SCGB2B2: variants seen among roughly 807,000 people sequenced by gnomAD.
SCGB2B2 encodes secretoglobin-like protein.
Under a neutral mutation model 7.6 loss-of-function variants are expected in SCGB2B2, and 11 were observed. That is an observed-to-expected ratio of 1.45 (90% CI 0.91 to 2.40). The LOEUF is 2.40. Ranked by LOEUF, SCGB2B2 falls within the 30% of genes most tolerant of loss-of-function variation. SCGB2B2 has a pLI of 0.00. For synonymous variants in SCGB2B2, 50 were observed against 48.6 expected (o/e 1.03, Z -0.12); for missense variants, 104 against 115.4 (o/e 0.90, Z 0.45).
At chr19:34,618,981 G>A (rs1046555007) in intron 1 of SCGB2B2, among the ~76,000 whole-genome samples, 1 of 152,122 alleles carries the variant, frequency 6.6e-6, no homozygotes, top group Non-Finnish European at 1.5e-5. Flanking sequence ...TAAAACACAT[G>A]GCAAACAGGT....
chr19:34,605,328 G>C (rs143809143), intron 1 of SCGB2B2, among the ~76,000 whole-genome samples: 33 of 152,244 alleles, frequency 2.2e-4, no homozygotes, highest in African/African-American at 7.9e-4. Context: ...TGGATGGCTG[G>C]AGTCATAGGC....
At chr19:34,614,041 T>C (rs1458106510) in intron 1 of SCGB2B2, among the ~76,000 whole-genome samples, 1 of 152,216 alleles carries the variant, frequency 6.6e-6, no homozygotes, top group African/African-American at 2.4e-5. Flanking sequence ...TTGCTGTTTT[T>C]AGAATTCTCC....
chr19:34,662,006 A>G (rs2067470649), intron 1 of SCGB2B2, among the ~76,000 whole-genome samples: 1 of 151,838 alleles, frequency 6.6e-6, no homozygotes, highest in African/African-American at 2.4e-5. Flanking sequence ...CAGCCTCCCA[A>G]GTAGCTAGGA....
chr19:34,665,308 T>C (rs1440878811), intron 1 of SCGB2B2, among the ~76,000 whole-genome samples: 1 of 152,164 alleles, frequency 6.6e-6, no homozygotes, highest in Non-Finnish European at 1.5e-5. Context: ...GGTCTAAACC[T>C]TCATGGAACT....
At chr19:34,612,836 C>T (rs568024219) in intron 1 of SCGB2B2, among the ~76,000 whole-genome samples, 2 of 152,234 alleles carry the variant, frequency 1.3e-5, no homozygotes, top group East Asian at 3.9e-4. Flanking sequence ...TCTTTGTGTT[C>T]CAGTGTTGGG....
At chr19:34,634,058 A>G (rs540069788) in intron 1 of SCGB2B2, among the ~76,000 whole-genome samples, 22 of 152,322 alleles carry the variant, frequency 1.4e-4, no homozygotes, top group African/African-American at 5.3e-4. Flanking sequence ...TCAGCAATCC[A>G]GAACACATTC....
At chr19:34,590,558 G>A (rs1474207665), downstream of SCGB2B2, among the ~76,000 whole-genome samples, 1 of 152,214 alleles carries the variant, frequency 6.6e-6, no homozygotes, top group African/African-American at 2.4e-5. Flanking sequence ...TGTTGAAGAG[G>A]ATGTGGATGA....
At position 34,655,023 on chromosome 19, in the gene SCGB2B2, A is replaced by T. The variant is rs112001939; in HGVS notation, c.-2032+20607T>A. Among the ~76,000 whole-genome samples the T allele has an allele frequency of 9.0e-3, 1,368 of 151,444 alleles. 111 individuals carry two copies. The highest frequency in any genetic ancestry group is 0.032 in the African/African-American group (1,314 of 40,706). ...ACAATGAGGGTACATTCTCTGTACCAATCAGTGTCCCTGCAGGAAGGAAAT... is the reference window on the plus strand; with the variant it reads ...ACAATGAGGGTACATTCTCTGTACCTATCAGTGTCCCTGCAGGAAGGAAAT... On this transcript the variant is annotated intron_variant, in intron 1 of 3. Coordinates refer to ENST00000601241, the MANE Select transcript of SCGB2B2 (RefSeq NM_001025591.4).
intron 1 of SCGB2B2, among the ~76,000 whole-genome samples, chr19:34,644,687 A>C (rs2066946834): frequency 6.6e-6 from 1 of 152,164 alleles, no homozygotes; most frequent in Admixed American, 6.5e-5. Flanking sequence ...TTATTTCTTA[A>C]GTGTCAGCCA....
At chr19:34,627,018 C>A (rs188870608) in intron 1 of SCGB2B2, among the ~76,000 whole-genome samples, 3 of 152,088 alleles carry the variant, frequency 2.0e-5, no homozygotes, top group Admixed American at 6.5e-5. Flanking sequence ...AACCTTCATA[C>A]GTGAAGGAGA....
chr19:34,665,465 A>G (rs2146170263), intron 1 of SCGB2B2, among the ~76,000 whole-genome samples: 1 of 152,064 alleles, frequency 6.6e-6, no homozygotes, highest in Non-Finnish European at 1.5e-5. Context: ...ACCATCCCCC[A>G]TGTCCCCAAG....
intron 1 of SCGB2B2, among the ~76,000 whole-genome samples, chr19:34,649,635 G>A (rs1400163661): frequency 6.6e-6 from 1 of 152,088 alleles, no homozygotes; most frequent in Non-Finnish European, 1.5e-5. Flanking sequence ...AATCATTTGA[G>A]GTCAGGAGTT....
intron 1 of SCGB2B2, among the ~76,000 whole-genome samples, chr19:34,601,296 T>C (rs2065617392): frequency 6.6e-6 from 1 of 152,250 alleles, no homozygotes; most frequent in Admixed American, 6.5e-5. Context: ...ACACTAAAGC[T>C]TTAGTTCTTG....
chr19:34,667,554 G>A (rs1454395322), intron 1 of SCGB2B2, among the ~76,000 whole-genome samples: 1 of 152,190 alleles, frequency 6.6e-6, no homozygotes, highest in Non-Finnish European at 1.5e-5. Flanking sequence ...GTAACCAATG[G>A]GAAGCCTCTA....
At chr19:34,615,529 C>G (rs571877351) in intron 1 of SCGB2B2, among the ~76,000 whole-genome samples, 1 of 151,020 alleles carries the variant, frequency 6.6e-6, no homozygotes, top group Non-Finnish European at 1.5e-5. Context: ...TTCCTGTACT[C>G]TCCTTCAAGT....
chr19:34,599,879 G>C (rs1288122865), intron 1 of SCGB2B2, among the ~76,000 whole-genome samples: 1 of 151,848 alleles, frequency 6.6e-6, no homozygotes, highest in Admixed American at 6.6e-5. Flanking sequence ...TTGTGACATA[G>C]AACACAAGTA....
At chr19:34,665,630 A>ACTAC (rs1223041227) in intron 1 of SCGB2B2, among the ~76,000 whole-genome samples, 1 of 151,346 alleles carries the variant, frequency 6.6e-6, no homozygotes, top group Non-Finnish European at 1.5e-5. Flanking sequence ...ACAGGCAGGA[A>ACTAC]CTACCCCTCA....
At chr19:34,663,895 G>A (rs1380027087) in intron 1 of SCGB2B2, among the ~76,000 whole-genome samples, 1 of 152,108 alleles carries the variant, frequency 6.6e-6, no homozygotes, top group African/African-American at 2.4e-5. Flanking sequence ...AGAGACAATG[G>A]GGAGAAGGAG....
Position 34,594,325 on chromosome 19 carries a change from C to A in SCGB2B2, c.96G>T (p.Ala32=), listed in dbSNP as rs751550986. 5.0e-6 allele frequency: 8 copies of A among 1,614,132 alleles called. No homozygotes were observed. The Admixed American group carries it at 5.0e-5, about 10-fold the overall frequency. ...DACLDIDKLL[A]NVVFDVSQDL... ...CTTGGGACACATCAAACACAACATT[C>A]GCAAGCAGTTTATCGATATCCAGGC... The change falls in exon 3 of 4, where the codon GCG becomes GCT. Residue 32 remains alanine, a synonymous_variant. Coordinates refer to ENST00000601241, the MANE Select transcript of SCGB2B2 (RefSeq NM_001025591.4).
Sources: gnomAD v4.1 joint callset for allele counts (sites outside exome capture counted in the v4.1 genomes callset) on GRCh38, gnomAD v4.1.1 for gene constraint, MANE v1.5 for transcripts, NCBI Gene and HGNC (gene_info 2026-07-23, HGNC 2026-07-21) for gene names.